CCDC85C: variants seen among roughly 807,000 people sequenced by gnomAD.
The protein encoded by CCDC85C is coiled-coil domain-containing protein 85C.
CCDC85C carries 18 observed loss-of-function variants against 38.3 expected under a neutral mutation model. The observed-to-expected ratio is 0.47, with a 90% CI of 0.33 to 0.70. The LOEUF is 0.70. Ranked by LOEUF, CCDC85C falls within the 30% of genes least tolerant of loss-of-function variation. The pLI, the probability that CCDC85C is intolerant of heterozygous loss-of-function variation, is 0.03. For synonymous variants in CCDC85C, 264 were observed against 293.8 expected, an observed-to-expected ratio of 0.90 and a Z score of 1.04; for missense variants, 566 against 621.2, an observed-to-expected ratio of 0.91 and a Z score of 0.94.
rs764841021 is a variant in CCDC85C, at chr14:99,515,111, G to A, written c.*135C>T. On this transcript the variant is annotated 3_prime_UTR_variant, in exon 6 of 6. Coordinates refer to ENST00000380243, the MANE Select transcript of CCDC85C (RefSeq NM_001144995.2). ...GGACCCATGGCAGCTGGGCCAGGGC[G>A]GGCAGCGTCCTATGTACAGTTCACC... The A allele has an allele frequency of 3.2e-5, 20 of 633,732 alleles. No individual in the cohort carries two copies. The highest frequency in any genetic ancestry group is 8.6e-5 in the East Asian group (3 of 35,064). The allele number at this position is 633,732 out of a possible 1,614,324, so 39.3% of individuals were successfully genotyped here.
intron 5 of CCDC85C, among the ~76,000 whole-genome samples, chr14:99,515,603 G>T (rs1897210270): frequency 6.6e-6 from 1 of 152,140 alleles, no homozygotes; most frequent in Admixed American, 6.5e-5. Flanking sequence ...GGTGATGCGG[G>T]GGAGGGGCTG....
intron 1 of CCDC85C, among the ~76,000 whole-genome samples, chr14:99,579,418 TCA>T (rs1403396154): frequency 1.3e-5 from 2 of 152,088 alleles, no homozygotes; most frequent in Admixed American, 6.5e-5. Context: ...TCAGAGATAC[TCA>T]CACAGTGAGT....
intron 1 of CCDC85C, among the ~76,000 whole-genome samples, chr14:99,597,406 C>T (rs113376207): frequency 1.1e-4 from 17 of 152,264 alleles, no homozygotes; most frequent in South Asian, 4.1e-4. Context: ...TAATGTGGGG[C>T]GTGTCTTAGA....
intron 2 of CCDC85C, among the ~76,000 whole-genome samples, chr14:99,528,752 C>G (rs1282737165): frequency 6.6e-6 from 1 of 152,160 alleles, no homozygotes; most frequent in African/African-American, 2.4e-5. Flanking sequence ...GCTACACAGT[C>G]ATACCAACTG....
intron 1 of CCDC85C, among the ~76,000 whole-genome samples, chr14:99,557,824 A>C (rs1898041012): frequency 6.6e-6 from 1 of 152,208 alleles, no homozygotes. Flanking sequence ...CCGAGGCACG[A>C]GGATTGCTTG....
intron 1 of CCDC85C, among the ~76,000 whole-genome samples, chr14:99,543,600 CAG>C (rs1361162219): frequency 6.6e-6 from 1 of 152,094 alleles, no homozygotes. Flanking sequence ...AGGACTCTGA[CAG>C]AGTTTGTGAG....
At position 99,569,482 on chromosome 14, in the gene CCDC85C, C is replaced by T. The variant is rs975715765; in HGVS notation, c.794-33394G>A. On this transcript the variant is annotated intron_variant, in intron 1 of 5. Coordinates refer to ENST00000380243, the MANE Select transcript of CCDC85C (RefSeq NM_001144995.2). The surrounding 1 kb of genome is among the most constrained non-coding windows in gnomAD (Gnocchi z 4.3). ...CACTGCCTGGGGATCTAAGCAGTTACGGCTGCCCCAGGGCTGGGACCAAAC... is the reference window on the plus strand; with the variant it reads ...CACTGCCTGGGGATCTAAGCAGTTATGGCTGCCCCAGGGCTGGGACCAAAC... Among the ~76,000 whole-genome samples, 1 of 152,218 alleles carries T rather than the reference C, an allele frequency of 6.6e-6. No individual in the cohort carries two copies. The highest frequency in any genetic ancestry group is 6.5e-5 in the Admixed American group (1 of 15,286).
intron 2 of CCDC85C, among the ~76,000 whole-genome samples, chr14:99,531,584 G>C (rs1032575306): frequency 2.0e-4 from 4 of 20,292 alleles, no homozygotes; most frequent in Admixed American, 6.3e-4. Flanking sequence ...GGCCATGGGT[G>C]GGGGGGGGGG....
At position 99,503,020 on chromosome 14, in the gene CCDC85C, C is replaced by T; in HGVS notation, c.*12226G>A. 3 of 1,612,036 alleles carry T rather than the reference C, an allele frequency of 1.9e-6. No individual in the cohort carries two copies. The highest frequency in any genetic ancestry group is 1.7e-6 in the Non-Finnish European group (2 of 1,178,286). On this transcript the variant is annotated 3_prime_UTR_variant, in exon 6 of 6. Transcript: ENST00000380243. ...TAAAGCAGGCCCTGGGTAGAGCAGG[C>T]TTTCCAGGTGGCGGCAACACCTGAG...
intron 3 of CCDC85C, among the ~76,000 whole-genome samples, chr14:99,519,578 A>G (rs1168455396): frequency 6.6e-6 from 1 of 152,158 alleles, no homozygotes; most frequent in Non-Finnish European, 1.5e-5. Context: ...GAGAACTGAA[A>G]ATAGACATCC....
At chr14:99,565,105 C>T (rs1476949626) in intron 1 of CCDC85C, among the ~76,000 whole-genome samples, 1 of 152,180 alleles carries the variant, frequency 6.6e-6, no homozygotes, top group Non-Finnish European at 1.5e-5. Flanking sequence ...GCTCACTGTC[C>T]CCCAACTGGT....
At chr14:99,559,484 A>G (rs1429380660) in intron 1 of CCDC85C, among the ~76,000 whole-genome samples, 2 of 121,526 alleles carry the variant, frequency 1.6e-5, no homozygotes, top group African/African-American at 7.9e-5. Flanking sequence ...TTCCAGACAC[A>G]CTTCGTCACC....
chr14:99,537,192 G>A (rs958486275), intron 1 of CCDC85C, among the ~76,000 whole-genome samples: 5 of 152,084 alleles, frequency 3.3e-5, no homozygotes, highest in East Asian at 1.9e-4. Flanking sequence ...TCCACCCACC[G>A]GCCCACCCGA....
At chr14:99,601,315 C>A (rs1288462325) in intron 1 of CCDC85C, among the ~76,000 whole-genome samples, 1 of 152,168 alleles carries the variant, frequency 6.6e-6, no homozygotes, top group Non-Finnish European at 1.5e-5. Flanking sequence ...CTTCAACCTC[C>A]CACTGACCCC....
rs765930276 is a variant in CCDC85C, at chr14:99,533,894, C to T, written c.867+2121G>A. 6.6e-5 allele frequency among the ~76,000 whole-genome samples: 10 copies of T among 152,226 alleles called. No homozygotes were observed. The highest frequency in any genetic ancestry group is 1.5e-4 in the Non-Finnish European group (10 of 68,038). ...GAAGAAGGGCTGCTCCTCCACAGCC[C>T]GCTTGGGCGCAGGTTTTCTGCAAGT... On this transcript the variant is annotated intron_variant, in intron 2 of 5. Transcript: ENST00000380243. This position sits in a 1 kb window ranked among gnomAD's most constrained non-coding sequence, Gnocchi z 4.2.
chr14:99,586,165 G>A (rs1263337635), intron 1 of CCDC85C, among the ~76,000 whole-genome samples: 1 of 152,210 alleles, frequency 6.6e-6, no homozygotes, highest in Non-Finnish European at 1.5e-5. Flanking sequence ...CAGGGTGAGT[G>A]CAGGGCCAGT....
At position 99,500,922 on chromosome 14, in the gene CCDC85C, A is replaced by C; in HGVS notation, c.*14324T>G. On this transcript the variant is annotated 3_prime_UTR_variant, in exon 6 of 6. Coordinates refer to ENST00000380243, the MANE Select transcript of CCDC85C (RefSeq NM_001144995.2). ...TTTTTCATTCTGAAATCAAGTCTTT[A>C]TAATTTGATGACACTCAAATTACGC... 8.8e-7 allele frequency: 1 copy of C among 1,135,478 alleles called. No individual in the cohort carries two copies. The highest frequency in any genetic ancestry group is 1.3e-6 in the Non-Finnish European group (1 of 786,108). The allele number at this position is 1,135,478 out of a possible 1,614,324, so 70.3% of individuals were successfully genotyped here. A position where few individuals can be genotyped will look rare whatever the true frequency, so the allele number is the denominator to read the frequency against.
rs1038660616 is a variant in CCDC85C, at chr14:99,505,914, A to G, written c.*9332T>C. 6.6e-6 allele frequency: 1 copy of G among 152,266 alleles called. No individual in the cohort carries two copies. The highest frequency in any genetic ancestry group is 2.4e-5 in the African/African-American group (1 of 41,462). 9.4% of individuals were successfully genotyped at this position (152,266 alleles called of 1,614,324 possible). A position where few individuals can be genotyped will look rare whatever the true frequency, so the allele number is the denominator to read the frequency against. On this transcript the variant is annotated 3_prime_UTR_variant, in exon 6 of 6. Coordinates refer to ENST00000380243, the MANE Select transcript of CCDC85C (RefSeq NM_001144995.2). Reference sequence around the variant, plus strand: ...TTGTAGATATGTGGCTCTCAGTTATATTGCTGTTGGACAGCCCTGATGTAG... The same window carrying G: ...TTGTAGATATGTGGCTCTCAGTTATGTTGCTGTTGGACAGCCCTGATGTAG...
chr14:99,583,163 A>T (rs2054991699), intron 1 of CCDC85C: 1 of 152,222 alleles, frequency 6.6e-6, no homozygotes, highest in Non-Finnish European at 1.5e-5. Flanking sequence ...AAACTAAAAA[A>T]AATTTTTAAA....
Sources: gnomAD v4.1 joint callset for allele counts (sites outside exome capture counted in the v4.1 genomes callset) on GRCh38, gnomAD v4.1.1 for gene constraint, Gnocchi (gnomAD v3.1) non-coding constraint, MANE v1.5 for transcripts, NCBI Gene and HGNC (gene_info 2026-07-23, HGNC 2026-07-21) for gene names.